Variants in GLIS3 observed in about 807,000 individuals in gnomAD.
GLIS3 encodes zinc finger protein GLIS3.
GLIS3 carries 53 observed loss-of-function variants against 78.6 expected under a neutral mutation model. The ratio of observed to expected loss-of-function variants is 0.67; its 90% CI spans 0.54 to 0.85. GLIS3 has a LOEUF of 0.85. Ranked by LOEUF, GLIS3 falls within the 40% of genes least tolerant of loss-of-function variation. GLIS3 has a pLI of 0.00. For synonymous variants in GLIS3, 684 were observed against 509.9 expected (o/e 1.34, Z -4.60); for missense variants, 1,703 against 1,231.1 (o/e 1.38, Z -5.74).
chr9:4,433,957 G>C, the GLIS3 span, among the ~76,000 whole-genome samples: 1 of 152,048 alleles, frequency 6.6e-6, no homozygotes, highest in African/African-American at 2.4e-5. Flanking sequence ...TTAGCTGGGC[G>C]TGGTGGCACA....
intron 2 of GLIS3, among the ~76,000 whole-genome samples, chr9:4,315,741 A>T (rs1367103441): frequency 6.6e-6 from 1 of 152,160 alleles, no homozygotes; most frequent in Non-Finnish European, 1.5e-5. Context: ...GCTCTTAACC[A>T]AACCCAAGAG....
At chr9:4,370,352 C>T in the GLIS3 span, among the ~76,000 whole-genome samples, 1 of 152,140 alleles carries the variant, frequency 6.6e-6, no homozygotes. Flanking sequence ...CCCTGCTCCT[C>T]CTACCCTTCC....
chr9:3,919,114 G>A (rs1410222586), intron 6 of GLIS3, among the ~76,000 whole-genome samples: 2 of 152,130 alleles, frequency 1.3e-5, no homozygotes, highest in Admixed American at 6.5e-5. Flanking sequence ...CAAGAGGAGA[G>A]CTTACACAAT....
chr9:4,348,290 G>A (rs1468647235), exon 1 of GLIS3: 1 of 152,052 alleles, frequency 6.6e-6, no homozygotes, highest in Non-Finnish European at 1.5e-5. Flanking sequence ...CAATATCATC[G>A]AGGACCAAGG....
At chr9:4,148,884 T>C (rs991467209) in intron 2 of GLIS3, among the ~76,000 whole-genome samples, 4 of 152,122 alleles carry the variant, frequency 2.6e-5, no homozygotes, top group Non-Finnish European at 5.9e-5. Flanking sequence ...CCCATTCTCC[T>C]CTCTCCTCCA....
At chr9:3,973,757 C>G (rs1347595200) in intron 4 of GLIS3, among the ~76,000 whole-genome samples, 2 of 151,928 alleles carry the variant, frequency 1.3e-5, no homozygotes, top group Non-Finnish European at 2.9e-5. Flanking sequence ...AGGCAACATC[C>G]CAATAGTAGT....
At position 4,125,709 on chromosome 9, in the gene GLIS3, G is replaced by A. The variant is rs768775972; in HGVS notation, c.596+25C>T. The A allele has an allele frequency of 1.1e-5, 18 of 1,568,994 alleles. No homozygotes were observed. The African/African-American group carries it at 2.2e-4, about 19-fold the overall frequency. On this transcript the variant is annotated intron_variant, in intron 3 of 10. Transcript: ENST00000381971. ...GGGGTGTGTTTATACCATAAAGAAA[G>A]GGGAAAAAAAAGTTAACTTGAGACC...
rs528111548 is a variant in GLIS3, at chr9:4,293,327, A to G, written c.-99+6094T>C. On this transcript the variant is annotated intron_variant, in intron 1 of 10. Transcript: ENST00000381971. ...TCCCCATCACACATGTAACTGAGTG[A>G]TATTTTTCCTTCAGCATAGTTATTG... is the stretch of plus-strand genomic sequence containing the variant. Among the ~76,000 whole-genome samples the G allele has an allele frequency of 1.3e-5, 2 of 152,316 alleles. 1 individual carries two copies. Among genetic ancestry groups the G allele is most frequent in the East Asian group, 3.9e-4 (2 of 5,188 alleles).
chr9:3,896,258 G>A (rs1352295326), intron 7 of GLIS3, among the ~76,000 whole-genome samples: 1 of 152,040 alleles, frequency 6.6e-6, no homozygotes, highest in African/African-American at 2.4e-5. Flanking sequence ...TTTTTCCCCT[G>A]CCTGGTTCTG....
In GLIS3 at chr9:4,118,355, C is replaced by T. The variant is rs1349336167; in HGVS notation, c.1123G>A (p.Ala375Thr). 7 of 1,584,600 alleles carry T rather than the reference C, an allele frequency of 4.4e-6. No individual in the cohort carries two copies. The highest frequency in any genetic ancestry group is 6.0e-6 in the Non-Finnish European group (7 of 1,169,230). Reference sequence around the variant, plus strand: ...GCCGGCAGCGCCAGGCCTCCAGGGGCCACCAGCACGCCCTTCTGGCTGCCG... The same window carrying T: ...GCCGGCAGCGCCAGGCCTCCAGGGGTCACCAGCACGCCCTTCTGGCTGCCG... ...VPGSQKGVLV[A>T]PGGLALPAYG... is the part of the protein sequence containing the mutation. The change falls in exon 4 of 11, where the codon GCC becomes ACC. Residue 375 changes from alanine to threonine, a missense_variant. Coordinates refer to ENST00000381971, the MANE Select transcript of GLIS3 (RefSeq NM_001042413.2). This position sits in a 1 kb window ranked among gnomAD's most constrained non-coding sequence, Gnocchi z 4.7.
chr9:3,898,591 C>G, intron 7 of GLIS3, 100 bp downstream of exon 7: 1 of 1,424,696 alleles, frequency 7.0e-7, no homozygotes, highest in South Asian at 1.2e-5. Context: ...ACAACACAGA[C>G]GATCTTAGGA....
At chr9:4,469,698 C>A in the GLIS3 span, among the ~76,000 whole-genome samples, 28 of 152,140 alleles carry the variant, frequency 1.8e-4, 1 homozygote, top group South Asian at 5.6e-3. Context: ...GATCTAAAAT[C>A]GACAACCTAA....
chr9:4,394,380 A>G, the GLIS3 span, among the ~76,000 whole-genome samples: 2 of 151,610 alleles, frequency 1.3e-5, no homozygotes, highest in Non-Finnish European at 2.9e-5. Context: ...CAAAGATTAC[A>G]GGAGTAATAT....
chr9:4,182,837 T>C (rs1586903393), intron 2 of GLIS3, among the ~76,000 whole-genome samples: 1 of 152,196 alleles, frequency 6.6e-6, no homozygotes, highest in Non-Finnish European at 1.5e-5. Context: ...CTACCATGAG[T>C]AAAAGCATCT....
chr9:4,384,492 C>G, the GLIS3 span, among the ~76,000 whole-genome samples: 30 of 150,732 alleles, frequency 2.0e-4, no homozygotes, highest in African/African-American at 6.6e-4. Context: ...CTCTTTCTTT[C>G]TCTCTCTTTC....
the GLIS3 span, among the ~76,000 whole-genome samples, chr9:4,430,812 T>A: frequency 6.6e-6 from 1 of 152,216 alleles, no homozygotes; most frequent in Non-Finnish European, 1.5e-5. Flanking sequence ...AACTAGGACA[T>A]TGAGTCACTT....
In GLIS3 at chr9:4,114,131, G is replaced by T. The variant is rs117766215; in HGVS notation, c.1710+3637C>A. On this transcript the variant is annotated intron_variant, in intron 4 of 10. Coordinates refer to ENST00000381971, the MANE Select transcript of GLIS3 (RefSeq NM_001042413.2). The stretch of plus-strand genomic sequence containing the variant: ...TTCTGATCCTAGCAACAGAACCCTG[G>T]GTCCCTCTACTCACTCTGCCCCAGA... 5.9e-5 allele frequency among the ~76,000 whole-genome samples: 9 copies of T among 152,144 alleles called. No individual in the cohort carries two copies. In the East Asian group the frequency reaches 1.5e-3, roughly 26 times the overall value.
At chr9:4,414,006 G>C in the GLIS3 span, among the ~76,000 whole-genome samples, 2 of 152,028 alleles carry the variant, frequency 1.3e-5, no homozygotes, top group African/African-American at 2.4e-5. Context: ...AGAAGCCTCA[G>C]GCAAGTCAGT....
chr9:3,853,514 G>A (rs1258764988), intron 9 of GLIS3, among the ~76,000 whole-genome samples: 1 of 152,106 alleles, frequency 6.6e-6, no homozygotes, highest in African/African-American at 2.4e-5. Flanking sequence ...TAAAAAAGAA[G>A]GGAATAGAAG....
Sources: gnomAD v4.1 joint callset for allele counts (sites outside exome capture counted in the v4.1 genomes callset) on GRCh38, gnomAD v4.1.1 for gene constraint, Gnocchi (gnomAD v3.1) non-coding constraint, MANE v1.5 for transcripts, NCBI Gene and HGNC (gene_info 2026-07-23, HGNC 2026-07-21) for gene names.